Variants in CPNE4 observed in about 807,000 individuals in gnomAD.
The protein encoded by CPNE4 is copine 4.
In CPNE4, 25 loss-of-function variants were observed where a neutral mutation model predicts 67.9. The ratio of observed to expected loss-of-function variants is 0.37; its 90% CI spans 0.27 to 0.51. The LOEUF is 0.51. Among genes scored for constraint, CPNE4 ranks in the 20% least tolerant of loss-of-function variants. The probability of loss-of-function intolerance (pLI) is 0.93; values close to 1 mark genes in which losing one functional copy is unlikely to be tolerated. For missense variants in CPNE4, 464 were observed against 690.8 expected, an observed-to-expected ratio of 0.67 and a Z score of 3.68; for synonymous variants, 242 against 244.9, an observed-to-expected ratio of 0.99 and a Z score of 0.11.
At chr3:131,942,457 TGTGTGTGAGAGAGAGAGAGAGAGAGA>T (rs1421606933) in intron 1 of CPNE4, among the ~76,000 whole-genome samples, 2 of 61,038 alleles carry the variant, frequency 3.3e-5, no homozygotes, top group African/African-American at 7.6e-5. Context: ...TGTGTGTGTG[TGTGTGTGAGAGAGAGAGAGAGAGAGA>T]GAGAGAGAGA....
chr3:131,647,163 G>A (rs1227893040), intron 7 of CPNE4, among the ~76,000 whole-genome samples: 1 of 152,196 alleles, frequency 6.6e-6, no homozygotes, highest in African/African-American at 2.4e-5. Flanking sequence ...AGTGAAAGAC[G>A]GAGCCTGAGA....
intron 14 of CPNE4, among the ~76,000 whole-genome samples, chr3:131,546,107 C>G (rs1363845798): frequency 6.6e-6 from 1 of 152,020 alleles, no homozygotes; most frequent in African/African-American, 2.4e-5. Flanking sequence ...AAAACCACTT[C>G]TGAGAAGGGA....
At chr3:131,820,675 A>G (rs778824467) in intron 2 of CPNE4, among the ~76,000 whole-genome samples, 44 of 152,260 alleles carry the variant, frequency 2.9e-4, no homozygotes, top group Admixed American at 1.3e-4. Context: ...ATATCATAAC[A>G]ATTTCTGTTC....
At chr3:131,592,386 G>A (rs1938587806) in intron 7 of CPNE4, among the ~76,000 whole-genome samples, 1 of 152,162 alleles carries the variant, frequency 6.6e-6, no homozygotes. Context: ...AAGCATCATA[G>A]CTTGTCTTAA....
Position 131,552,457 on chromosome 3 carries a change from T to C in CPNE4, c.1151A>G (p.Asp384Gly). The C allele has an allele frequency of 6.2e-7, 1 of 1,612,834 alleles. No homozygotes were observed. ...SHDFAINFNE[D>G]NPECAGIQGV... ...TGCTTTACCTGCACATTCTGGGTTG[T>C]CTTCATTAAAGTTGATTGCAAAGTC... Residue 384 changes from aspartate to glycine, a missense_variant, in exon 13 of 16, where the codon GAC (aspartate) becomes GGC (glycine). Transcript: ENST00000429747.
chr3:131,617,298 C>T (rs1163550585), intron 7 of CPNE4, among the ~76,000 whole-genome samples: 1 of 152,198 alleles, frequency 6.6e-6, no homozygotes, highest in African/African-American at 2.4e-5. Flanking sequence ...TCTACCTGCT[C>T]TTAGCTCAGA....
chr3:131,801,450 GTGTATATATA>G (rs2084123272), intron 2 of CPNE4, among the ~76,000 whole-genome samples: 2 of 39,578 alleles, frequency 5.1e-5, no homozygotes, highest in South Asian at 9.7e-4. Flanking sequence ...GTGTGTGTGT[GTGTATATATA>G]TATATATATA....
At chr3:131,846,361 A>G (rs1459601610) in intron 2 of CPNE4, among the ~76,000 whole-genome samples, 1 of 152,154 alleles carries the variant, frequency 6.6e-6, no homozygotes, top group Non-Finnish European at 1.5e-5. Flanking sequence ...AACACTCTTG[A>G]GGGAATGAAT....
chr3:131,873,625 A>G (rs2087309954), intron 2 of CPNE4, among the ~76,000 whole-genome samples: 1 of 152,202 alleles, frequency 6.6e-6, no homozygotes, highest in South Asian at 2.1e-4. Context: ...ATGTTCACAA[A>G]TATCTATGAA....
At chr3:131,801,366 A>G (rs1331321192) in intron 2 of CPNE4, among the ~76,000 whole-genome samples, 3 of 133,556 alleles carry the variant, frequency 2.2e-5, no homozygotes, top group Admixed American at 7.8e-5. Context: ...ATATATATAT[A>G]TGTACCATAT....
intron 2 of CPNE4, among the ~76,000 whole-genome samples, chr3:131,820,353 A>G (rs1006633070): frequency 2.6e-5 from 4 of 152,206 alleles, no homozygotes; most frequent in African/African-American, 7.2e-5. Context: ...GCTGTCTGAC[A>G]GTGGGCTGAA....
chr3:131,866,439 A>G (rs1179797262), intron 2 of CPNE4, among the ~76,000 whole-genome samples: 1 of 152,212 alleles, frequency 6.6e-6, no homozygotes, highest in Non-Finnish European at 1.5e-5. Flanking sequence ...GGAATGAGAA[A>G]GGAGCAAGAA....
chr3:131,611,061 A>G lies in CPNE4; in HGVS notation c.682-23479T>C, dbSNP rs577419813. Among the ~76,000 whole-genome samples the G allele has an allele frequency of 2.6e-5, 4 of 152,300 alleles. No individual in the cohort carries two copies. The East Asian group carries it at 7.7e-4, about 29-fold the overall frequency. On this transcript the variant is annotated intron_variant, in intron 7 of 15. Transcript: ENST00000429747. Reference sequence around the variant, plus strand: ...CGTGATATAAAATTCCTGTTTTCTTATAATCAGCATTTATCAGGAGTCTTT... The same window carrying G: ...CGTGATATAAAATTCCTGTTTTCTTGTAATCAGCATTTATCAGGAGTCTTT...
At chr3:132,028,274 C>T (rs150555734) in intron 1 of CPNE4, among the ~76,000 whole-genome samples, 1 of 152,248 alleles carries the variant, frequency 6.6e-6, no homozygotes, top group East Asian at 1.9e-4. Context: ...TGTAAAGGAC[C>T]ACTTCCCAGG....
chr3:131,611,804 G>T (rs890980442), intron 7 of CPNE4, among the ~76,000 whole-genome samples: 1 of 151,794 alleles, frequency 6.6e-6, no homozygotes, highest in Admixed American at 6.6e-5. Flanking sequence ...AAGTCATTTT[G>T]TAACTCTTCC....
intron 1 of CPNE4, among the ~76,000 whole-genome samples, chr3:131,959,747 G>T (rs993737809): frequency 1.3e-5 from 2 of 152,088 alleles, no homozygotes; most frequent in African/African-American, 2.4e-5. Context: ...GCAATTTAGG[G>T]TGATCTGTTT....
intron 12 of CPNE4, among the ~76,000 whole-genome samples, chr3:131,553,889 C>T (rs6803533): frequency 6.6e-6 from 1 of 151,754 alleles, no homozygotes; most frequent in Non-Finnish European, 1.5e-5. Context: ...TTAGGGGACC[C>T]GAAATGGGGA....
intron 1 of CPNE4, among the ~76,000 whole-genome samples, chr3:131,935,814 T>C (rs1680910474): frequency 6.6e-6 from 1 of 151,904 alleles, no homozygotes; most frequent in Admixed American, 6.6e-5. Context: ...AGTTGAAGAG[T>C]TAGAGGTTTA....
chr3:131,961,391 T>A (rs2072169282), intron 1 of CPNE4, among the ~76,000 whole-genome samples: 1 of 152,004 alleles, frequency 6.6e-6, no homozygotes. Context: ...GTAACTCTGG[T>A]TCCCTCCCAG....
Sources: allele counts gnomAD v4.1 joint callset (sites outside exome capture counted in the v4.1 genomes callset), GRCh38; gene constraint gnomAD v4.1.1; transcripts MANE v1.5; gene names NCBI Gene and HGNC (gene_info 2026-07-23, HGNC 2026-07-21).